The following LRBA variants were observed in gnomAD, a reference collection of about 807,000 sequenced individuals.
The protein encoded by LRBA is lipopolysaccharide-responsive and beige-like anchor protein.
LRBA carries 176 observed loss-of-function variants against 330.0 expected under a neutral mutation model. That is an observed-to-expected ratio of 0.53 (90% confidence interval 0.47 to 0.60). The LOEUF (loss-of-function observed/expected upper bound fraction) is 0.60. LRBA is among the 20% of genes least tolerant of loss of function. The pLI is 0.00. For synonymous variants in LRBA, 1,230 were observed against 1,193.0 expected (o/e 1.03, Z -0.64); for missense variants, 3,259 against 3,444.8 (o/e 0.95, Z 1.35).
intron 34 of LRBA, among the ~76,000 whole-genome samples, chr4:150,765,912 A>G (rs1287584308): frequency 1.3e-5 from 2 of 152,140 alleles, no homozygotes; most frequent in Admixed American, 1.3e-4. Flanking sequence ...TATAACTATC[A>G]AAACTTAACC....
intron 30 of LRBA, among the ~76,000 whole-genome samples, chr4:150,826,467 G>A (rs377406366): frequency 1.3e-5 from 2 of 152,132 alleles, no homozygotes; most frequent in Non-Finnish European, 2.9e-5. Flanking sequence ...TTAATATAAA[G>A]CTGCTAACCC....
chr4:150,694,645 T>C (rs937332327), intron 36 of LRBA, among the ~76,000 whole-genome samples: 3 of 152,104 alleles, frequency 2.0e-5, no homozygotes, highest in South Asian at 4.2e-4. Context: ...TCTCTCAGCA[T>C]GAAAAAGCCT....
chr4:150,818,145 A>C (rs1163575409), intron 30 of LRBA, among the ~76,000 whole-genome samples: 1 of 152,156 alleles, frequency 6.6e-6, no homozygotes, highest in Non-Finnish European at 1.5e-5. Flanking sequence ...GCTTCTAAAC[A>C]AAGTAACTTA....
intron 53 of LRBA, among the ~76,000 whole-genome samples, chr4:150,288,643 C>T (rs1748466120): frequency 6.6e-6 from 1 of 151,972 alleles, no homozygotes; most frequent in South Asian, 2.1e-4. Flanking sequence ...TCTTGGTTTT[C>T]CTTTTCCCCA....
intron 46 of LRBA, among the ~76,000 whole-genome samples, chr4:150,428,978 G>A (rs1750013715): frequency 6.6e-6 from 1 of 152,058 alleles, no homozygotes; most frequent in Non-Finnish European, 1.5e-5. Flanking sequence ...TTAATTTAGT[G>A]CCTACCATGC....
chr4:150,507,969 T>C (rs1005864526), intron 40 of LRBA, among the ~76,000 whole-genome samples: 4 of 150,074 alleles, frequency 2.7e-5, no homozygotes, highest in Non-Finnish European at 5.9e-5. Flanking sequence ...CAGCAAACTA[T>C]TGCCAAGGAC....
intron 37 of LRBA, among the ~76,000 whole-genome samples, chr4:150,611,359 C>T (rs1775241252): frequency 6.6e-6 from 1 of 152,114 alleles, no homozygotes; most frequent in East Asian, 1.9e-4. Context: ...GTGAGTGATT[C>T]AGTTACTAAG....
At chr4:150,341,207 G>C (rs1735498934) in intron 48 of LRBA, among the ~76,000 whole-genome samples, 1 of 152,126 alleles carries the variant, frequency 6.6e-6, no homozygotes, top group Admixed American at 6.5e-5. Context: ...TGTCACCCAG[G>C]CTAGAGTGCA....
intron 2 of LRBA, among the ~76,000 whole-genome samples, chr4:150,939,006 A>G (rs1382431524): frequency 6.6e-6 from 1 of 152,198 alleles, no homozygotes; most frequent in African/African-American, 2.4e-5. Flanking sequence ...TTAGTTCACC[A>G]AAAGTGTCTT....
intron 40 of LRBA, among the ~76,000 whole-genome samples, chr4:150,531,213 C>A (rs1266834199): frequency 6.6e-6 from 1 of 152,158 alleles, no homozygotes; most frequent in Admixed American, 6.5e-5. Flanking sequence ...ATGAATAATT[C>A]AGAATGATTC....
At chr4:150,707,600 C>G (rs9996572) in intron 36 of LRBA, among the ~76,000 whole-genome samples, 132,389 of 151,556 alleles carry the variant, frequency 0.87, 58,371 homozygotes, top group Non-Finnish European at 0.95. Context: ...ATATTGAAAA[C>G]AACAAGTTTA....
intron 22 of LRBA, among the ~76,000 whole-genome samples, chr4:150,867,111 T>TA (rs1560936238): frequency 7.3e-5 from 10 of 136,996 alleles, no homozygotes; most frequent in African/African-American, 1.5e-4. Context: ...TTGGCTTAAT[T>TA]TAAAAAAAAA....
chr4:150,734,073 T>C (rs1016733279), intron 36 of LRBA, among the ~76,000 whole-genome samples: 8 of 152,188 alleles, frequency 5.3e-5, no homozygotes, highest in African/African-American at 1.9e-4. Flanking sequence ...TTAAAAGAGA[T>C]GACTTTAATC....
intron 40 of LRBA, among the ~76,000 whole-genome samples, chr4:150,577,703 C>T (rs1322034668): frequency 6.6e-6 from 1 of 151,874 alleles, no homozygotes; most frequent in Non-Finnish European, 1.5e-5. Context: ...TATTGAGATA[C>T]AATATATTAT....
At chr4:150,547,911 A>G (rs1161325735) in intron 40 of LRBA, among the ~76,000 whole-genome samples, 1 of 152,104 alleles carries the variant, frequency 6.6e-6, no homozygotes, top group East Asian at 1.9e-4. Context: ...TTACACTAAT[A>G]ATTTTTCGCT....
In LRBA at chr4:150,900,198, G is replaced by A. The variant is rs772221109; in HGVS notation, c.1775C>T (p.Thr592Ile). 3 of 1,609,566 alleles carry A rather than the reference G, an allele frequency of 1.9e-6. No homozygotes were observed. Among genetic ancestry groups the A allele is most frequent in the African/African-American group, 1.3e-5 (1 of 74,786 alleles). ...ACCAATGAATTCCGTGGACAGATAA[G>A]TATAGAGCATCAGTTGAACCTACAG... The part of the protein sequence containing the change: ...TPAKVQLMLY[T>I]YLSTEFIGTV... Residue 592 changes from threonine to isoleucine, a missense_variant, in exon 14 of 57, where the codon ACT becomes ATT. Coordinates refer to ENST00000651943, the MANE Select transcript of LRBA (RefSeq NM_001364905.1).
At chr4:150,784,673 G>T (rs1337882201) in intron 34 of LRBA, among the ~76,000 whole-genome samples, 7 of 152,108 alleles carry the variant, frequency 4.6e-5, no homozygotes, top group Non-Finnish European at 1.0e-4. Context: ...TGGCTTTGGA[G>T]CCCCGCTCCC....
At chr4:150,979,701 G>GT (rs1740621759) in intron 2 of LRBA, among the ~76,000 whole-genome samples, 1 of 152,110 alleles carries the variant, frequency 6.6e-6, no homozygotes, top group South Asian at 2.1e-4. Context: ...AAAATAATAA[G>GT]TTATAAGATA....
At chr4:150,829,381 T>C (rs1256264283) in intron 29 of LRBA, among the ~76,000 whole-genome samples, 1 of 152,230 alleles carries the variant, frequency 6.6e-6, no homozygotes. Context: ...CTTTTCTCTC[T>C]TTTAATTCTC....
Sources: gnomAD v4.1 joint callset for allele counts (sites outside exome capture counted in the v4.1 genomes callset) on GRCh38, gnomAD v4.1.1 for gene constraint, MANE v1.5 for transcripts, NCBI Gene and HGNC (gene_info 2026-07-23, HGNC 2026-07-21) for gene names.